Variants in TMEM163 observed in about 807,000 individuals in gnomAD.
TMEM163 encodes the protein transmembrane protein 163.
Under a neutral mutation model 29.3 loss-of-function variants are expected in TMEM163, and 17 were observed. The ratio of observed to expected loss-of-function variants is 0.58; its 90% CI spans 0.40 to 0.87. TMEM163 has a LOEUF of 0.87. Ranked by LOEUF, TMEM163 falls within the 40% of genes least tolerant of loss-of-function variation. The probability of loss-of-function intolerance (pLI) is 0.00; values close to 1 mark genes in which losing one functional copy is unlikely to be tolerated. For missense variants in TMEM163, 303 were observed against 381.5 expected, an observed-to-expected ratio of 0.79 and a Z score of 1.71; for synonymous variants, 157 against 160.6, an observed-to-expected ratio of 0.98 and a Z score of 0.17.
intron 2 of TMEM163, among the ~76,000 whole-genome samples, chr2:134,703,184 G>C (rs1050867560): frequency 6.6e-6 from 1 of 152,132 alleles, no homozygotes; most frequent in Non-Finnish European, 1.5e-5. Flanking sequence ...GAAACAGGGG[G>C]TCCAACAGAA....
At chr2:134,562,261 AG>A (rs1398417792) in intron 2 of TMEM163, among the ~76,000 whole-genome samples, 2 of 152,362 alleles carry the variant, frequency 1.3e-5, no homozygotes, top group East Asian at 3.9e-4. Context: ...CGTGAAGTCA[AG>A]GGTTGTATCA....
intron 4 of TMEM163, among the ~76,000 whole-genome samples, chr2:134,513,973 C>CT (rs1197518406): frequency 1.3e-5 from 2 of 152,238 alleles, no homozygotes; most frequent in Non-Finnish European, 2.9e-5. Context: ...AGCAGGCGGG[C>CT]TGTCTTTCCC....
At chr2:134,718,481 C>G (rs1360954074) in intron 1 of TMEM163, among the ~76,000 whole-genome samples, 1 of 152,212 alleles carries the variant, frequency 6.6e-6, no homozygotes, top group African/African-American at 2.4e-5. Flanking sequence ...GAGGAGGGCG[C>G]GAGTCCAGGC....
chr2:134,512,892 G>A (rs955565862), intron 4 of TMEM163, among the ~76,000 whole-genome samples: 2 of 152,204 alleles, frequency 1.3e-5, no homozygotes, highest in African/African-American at 4.8e-5. Context: ...CAGCGTGCAG[G>A]CTGTGGCACT....
intron 6 of TMEM163, among the ~76,000 whole-genome samples, chr2:134,465,893 G>T (rs1358274341): frequency 1.3e-5 from 2 of 152,214 alleles, no homozygotes; most frequent in Non-Finnish European, 2.9e-5. Context: ...CAGAGTGGAG[G>T]TGATTTATGA....
At chr2:134,520,697 A>T (rs1028379830) in intron 4 of TMEM163, among the ~76,000 whole-genome samples, 1 of 152,192 alleles carries the variant, frequency 6.6e-6, no homozygotes. Flanking sequence ...TCTTGTCTAC[A>T]AACTGACTTG....
rs1438919205 is a variant in TMEM163 at position 134,664,332 on chromosome 2, C to A, written c.322+48868G>T. On this transcript the variant is annotated intron_variant, in intron 2 of 7. Transcript: ENST00000281924. ...GGGTCCATCAGAATCGCCCGGAGGACTGGTTAAGACGCAGAATGCTGGCCC... is the reference window on the plus strand; with the variant it reads ...GGGTCCATCAGAATCGCCCGGAGGAATGGTTAAGACGCAGAATGCTGGCCC... Among the ~76,000 whole-genome samples, 3 of 152,190 alleles carry A rather than the reference C, an allele frequency of 2.0e-5. No individual in the cohort carries two copies. The East Asian group carries it at 5.8e-4, about 29-fold the overall frequency.
intron 2 of TMEM163, among the ~76,000 whole-genome samples, chr2:134,554,361 G>A (rs1475243003): frequency 2.0e-5 from 3 of 149,816 alleles, no homozygotes; most frequent in Non-Finnish European, 4.4e-5. Context: ...GGGAGGCAGA[G>A]GTTGCGGTGA....
intron 2 of TMEM163, among the ~76,000 whole-genome samples, chr2:134,652,081 G>C (rs571484346): frequency 7.1e-6 from 1 of 141,170 alleles, no homozygotes; most frequent in Non-Finnish European, 1.5e-5. Context: ...ATTCTGTGAG[G>C]AAAGTCATTG....
At chr2:134,660,146 G>T (rs938656219) in intron 2 of TMEM163, among the ~76,000 whole-genome samples, 7 of 152,110 alleles carry the variant, frequency 4.6e-5, no homozygotes, top group Admixed American at 6.6e-5. Flanking sequence ...GGAGGTAGGT[G>T]GGGGGCAGAC....
chr2:134,482,492 T>C (rs113759235), intron 5 of TMEM163, among the ~76,000 whole-genome samples: 4,928 of 152,274 alleles, frequency 0.032, 283 homozygotes, highest in African/African-American at 0.11. Context: ...GCCTTCCTAA[T>C]GAGGACAAAT....
chr2:134,591,849 A>T (rs1031406069), intron 2 of TMEM163, among the ~76,000 whole-genome samples: 4 of 152,132 alleles, frequency 2.6e-5, no homozygotes, highest in Non-Finnish European at 5.9e-5. Context: ...TTCCTGTAGC[A>T]ATCACAGCCT....
intron 4 of TMEM163, among the ~76,000 whole-genome samples, chr2:134,529,508 G>A (rs2106498454): frequency 6.6e-6 from 1 of 151,742 alleles, no homozygotes; most frequent in Middle Eastern, 3.4e-3. Flanking sequence ...AGCACTTTGG[G>A]GGGTCAAGGC....
chr2:134,518,859 AG>A (rs1274747867), intron 4 of TMEM163, among the ~76,000 whole-genome samples: 1 of 152,190 alleles, frequency 6.6e-6, no homozygotes, highest in African/African-American at 2.4e-5. Context: ...AGTCCCAGGC[AG>A]GGGGTGTTCC....
intron 6 of TMEM163, among the ~76,000 whole-genome samples, chr2:134,461,682 C>T (rs1048796867): frequency 6.6e-6 from 1 of 152,232 alleles, no homozygotes; most frequent in South Asian, 2.1e-4. Context: ...TCATCTCCAT[C>T]GGCCACACCC....
At chr2:134,699,578 C>T (rs1431943137) in intron 2 of TMEM163, among the ~76,000 whole-genome samples, 1 of 152,038 alleles carries the variant, frequency 6.6e-6, no homozygotes, top group Non-Finnish European at 1.5e-5. Context: ...CTGATATATT[C>T]TACATCACAT....
Position 134,584,580 on chromosome 2 carries a change from C to T in TMEM163, c.323-32489G>A, listed in dbSNP as rs1348678210. On this transcript the variant is annotated intron_variant, in intron 2 of 7. Transcript: ENST00000281924. ...ATGTTTGTTTGGAAGATAAAGTACC[C>T]AGAAACGTAAGTTTCTTGACCATTG... Among the ~76,000 whole-genome samples, 14 of 151,150 alleles carry T rather than the reference C, an allele frequency of 9.3e-5. 1 individual carries two copies. Among genetic ancestry groups the T allele is most frequent in the Admixed American group, 9.2e-4 (14 of 15,172 alleles).
intron 4 of TMEM163, among the ~76,000 whole-genome samples, chr2:134,512,212 C>T (rs1413143179): frequency 1.3e-5 from 2 of 152,180 alleles, no homozygotes; most frequent in East Asian, 1.9e-4. Context: ...AATCTCAGCA[C>T]TTTGGGAGGC....
intron 5 of TMEM163, among the ~76,000 whole-genome samples, chr2:134,485,343 C>T (rs1679284045): frequency 1.3e-5 from 2 of 152,182 alleles, no homozygotes; most frequent in Non-Finnish European, 2.9e-5. Flanking sequence ...TACATGGGTC[C>T]TTGAAGTATG....
Sources: gnomAD v4.1 joint callset for allele counts (sites outside exome capture counted in the v4.1 genomes callset) on GRCh38, gnomAD v4.1.1 for gene constraint, MANE v1.5 for transcripts, NCBI Gene and HGNC (gene_info 2026-07-23, HGNC 2026-07-21) for gene names.